The following DCDC2 variants were observed in gnomAD, a reference collection of about 807,000 sequenced individuals.
The protein encoded by DCDC2 is doublecortin domain containing 2.
In DCDC2, 40 loss-of-function variants were observed where a neutral mutation model predicts 50.2. That is an observed-to-expected ratio of 0.80 (90% CI 0.62 to 1.04). DCDC2 has a LOEUF of 1.04. Ranked by LOEUF, DCDC2 falls within the 50% of genes least tolerant of loss-of-function variation. DCDC2 has a pLI of 0.00. For missense variants in DCDC2, 570 were observed against 581.9 expected, an observed-to-expected ratio of 0.98 and a Z score of 0.21; for synonymous variants, 234 against 210.6, an observed-to-expected ratio of 1.11 and a Z score of -0.96.
At chr6:24,225,616 T>C (rs1762216928) in intron 7 of DCDC2, among the ~76,000 whole-genome samples, 1 of 152,274 alleles carries the variant, frequency 6.6e-6, no homozygotes, top group South Asian at 2.1e-4. Context: ...AACTCTTCAC[T>C]TAAATGGTAT....
chr6:24,177,346 C>G (rs1309486982), intron 9 of DCDC2, among the ~76,000 whole-genome samples: 1 of 152,214 alleles, frequency 6.6e-6, no homozygotes, highest in African/African-American at 2.4e-5. Flanking sequence ...TTACTGAAAC[C>G]TGGCCACCAG....
At chr6:24,227,052 G>A (rs1308372559) in intron 7 of DCDC2, among the ~76,000 whole-genome samples, 3 of 152,092 alleles carry the variant, frequency 2.0e-5, no homozygotes, top group South Asian at 2.1e-4. Flanking sequence ...ACAGAGAAGG[G>A]GATTGATCTT....
chr6:24,217,799 G>A (rs900033713), intron 7 of DCDC2, among the ~76,000 whole-genome samples: 10 of 152,084 alleles, frequency 6.6e-5, no homozygotes, highest in Non-Finnish European at 1.3e-4. Context: ...TATCAGAGTC[G>A]ATACCTTGCT....
chr6:24,211,174 C>T (rs1761860465), intron 7 of DCDC2, among the ~76,000 whole-genome samples: 1 of 152,196 alleles, frequency 6.6e-6, no homozygotes, highest in Non-Finnish European at 1.5e-5. Flanking sequence ...AGCACTAAAA[C>T]ATATTTGCTG....
intron 2 of DCDC2, among the ~76,000 whole-genome samples, chr6:24,324,881 T>TAAA (rs111539475): frequency 0.031 from 4,168 of 134,036 alleles, 69 homozygotes; most frequent in South Asian, 0.047. Flanking sequence ...AGAGCTTGTC[T>TAAA]AAAAAAAAAA....
chr6:24,305,004 T>G (rs1759446193), intron 2 of DCDC2, among the ~76,000 whole-genome samples: 1 of 152,214 alleles, frequency 6.6e-6, no homozygotes, highest in Non-Finnish European at 1.5e-5. Context: ...ACCATACCCA[T>G]TCTTGATGGT....
At chr6:24,201,957 T>C (rs939215486) in intron 8 of DCDC2, among the ~76,000 whole-genome samples, 4 of 151,948 alleles carry the variant, frequency 2.6e-5, no homozygotes, top group Non-Finnish European at 4.4e-5. Context: ...AATCCCTGAA[T>C]AGACCGATGA....
chr6:24,209,979 T>G (rs895320939), intron 7 of DCDC2, among the ~76,000 whole-genome samples: 8 of 152,038 alleles, frequency 5.3e-5, no homozygotes, highest in African/African-American at 1.7e-4. Context: ...ATTATCTCAT[T>G]TACTTGATCT....
chr6:24,224,039 C>T (rs947149077), intron 7 of DCDC2, among the ~76,000 whole-genome samples: 58 of 152,080 alleles, frequency 3.8e-4, no homozygotes, highest in African/African-American at 1.2e-3. Context: ...GCCCACCAGG[C>T]GCACAGATTC....
At chr6:24,282,715 G>A (rs1175680659) in intron 6 of DCDC2, among the ~76,000 whole-genome samples, 2 of 148,514 alleles carry the variant, frequency 1.3e-5, no homozygotes, top group Admixed American at 6.7e-5. Context: ...GTTTGCCTCA[G>A]TGAGCAGCCT....
At chr6:24,311,331 G>A (rs79134990) in intron 2 of DCDC2, among the ~76,000 whole-genome samples, 1 of 152,076 alleles carries the variant, frequency 6.6e-6, no homozygotes, top group Non-Finnish European at 1.5e-5. Context: ...ATTCCCCAAT[G>A]GCATCAATAT....
Position 24,291,092 on chromosome 6 carries a change from G to C in DCDC2, c.558-14C>G. On this transcript the variant is annotated splice_polypyrimidine_tract_variant and intron_variant, in intron 4 of 9. Coordinates refer to ENST00000378454, the MANE Select transcript of DCDC2 (RefSeq NM_016356.5). ...AAAGTATAAAGCCTGTCGAAAATAT[G>C]AACACCAACAATTAGAATTTTAACC... The C allele has an allele frequency of 6.2e-7, 1 of 1,603,568 alleles. No homozygotes were observed.
At chr6:24,302,748 T>C (rs1759405334) in intron 2 of DCDC2, among the ~76,000 whole-genome samples, 1 of 152,114 alleles carries the variant, frequency 6.6e-6, no homozygotes, top group Admixed American at 6.5e-5. Context: ...AGCCATCACC[T>C]GGACCTCAGT....
In DCDC2 at chr6:24,328,716, T is replaced by G. The variant is rs188387302; in HGVS notation, c.348+24853A>C. On this transcript the variant is annotated intron_variant, in intron 2 of 9. Coordinates refer to ENST00000378454, the MANE Select transcript of DCDC2 (RefSeq NM_016356.5). ...CCTCCTCTCTGAAGTGTCCTTTCCT[T>G]GATTCCCTTATCATGCAATATTAAT... is the stretch of plus-strand genomic sequence containing the variant. Among the ~76,000 whole-genome samples the G allele has an allele frequency of 2.3e-4, 35 of 152,320 alleles. 1 individual carries two copies. In the East Asian group the frequency reaches 5.2e-3, roughly 23 times the overall value.
intron 6 of DCDC2, among the ~76,000 whole-genome samples, chr6:24,282,223 C>A: frequency 6.6e-6 from 1 of 151,712 alleles, no homozygotes; most frequent in East Asian, 1.9e-4. Context: ...AATCATCCCT[C>A]ACTCTACCAA....
At chr6:24,343,011 G>T (rs891760194) in intron 2 of DCDC2, among the ~76,000 whole-genome samples, 3 of 151,042 alleles carry the variant, frequency 2.0e-5, no homozygotes, top group Admixed American at 6.6e-5. Flanking sequence ...ATATCTGCAG[G>T]CCTAGAATGT....
intron 7 of DCDC2, among the ~76,000 whole-genome samples, chr6:24,265,528 A>T (rs1763099982): frequency 6.7e-6 from 1 of 150,106 alleles, no homozygotes; most frequent in Non-Finnish European, 1.5e-5. Flanking sequence ...AACAAGTTTT[A>T]AAAAAACTCA....
chr6:24,305,324 A>G (rs1031447698), intron 2 of DCDC2, among the ~76,000 whole-genome samples: 18 of 152,230 alleles, frequency 1.2e-4, no homozygotes, highest in African/African-American at 3.9e-4. Flanking sequence ...TTGAAAACTA[A>G]TCTTAAAGTT....
At chr6:24,312,441 C>T (rs537773356) in intron 2 of DCDC2, among the ~76,000 whole-genome samples, 3 of 150,788 alleles carry the variant, frequency 2.0e-5, no homozygotes, top group African/African-American at 7.3e-5. Context: ...ATCTCTTTAC[C>T]GGCATTGTTA....
Sources: allele counts gnomAD v4.1 joint callset (sites outside exome capture counted in the v4.1 genomes callset), GRCh38; gene constraint gnomAD v4.1.1; transcripts MANE v1.5; gene names NCBI Gene and HGNC (gene_info 2026-07-23, HGNC 2026-07-21).